The following STK32B variants were observed in gnomAD, a reference collection of about 807,000 sequenced individuals.
STK32B encodes the protein serine/threonine-protein kinase 32B.
In STK32B, 43 loss-of-function variants were observed where a neutral mutation model predicts 52.6. That is an observed-to-expected ratio of 0.82 (90% CI 0.64 to 1.05). The LOEUF (loss-of-function observed/expected upper bound fraction) is 1.05, where lower values mean the gene tolerates loss of function less well. STK32B is among the 50% of genes least tolerant of loss of function. STK32B has a pLI of 0.00. For synonymous variants in STK32B, 238 were observed against 204.3 expected (o/e 1.17, Z -1.41); for missense variants, 621 against 534.6 (o/e 1.16, Z -1.59).
the STK32B span, among the ~76,000 whole-genome samples, chr4:5,044,603 A>C: frequency 2.0e-5 from 3 of 152,168 alleles, no homozygotes; most frequent in Admixed American, 6.5e-5. Flanking sequence ...GTTTTCCTCT[A>C]TTCAAAATAT....
intron 11 of STK32B, among the ~76,000 whole-genome samples, chr4:5,486,555 G>A (rs555461682): frequency 5.2e-4 from 79 of 152,370 alleles, no homozygotes; most frequent in Non-Finnish European, 8.7e-4. Flanking sequence ...GCCTCGCCCT[G>A]CTTTGGCTCA....
intron 4 of STK32B, among the ~76,000 whole-genome samples, chr4:5,341,110 G>C (rs1733046322): frequency 6.6e-6 from 1 of 152,166 alleles, no homozygotes; most frequent in Admixed American, 6.5e-5. Flanking sequence ...CTCATAGAGT[G>C]AGTGCCTGCA....
chr4:5,488,801 G>T (rs1719439244), intron 11 of STK32B, among the ~76,000 whole-genome samples: 1 of 151,810 alleles, frequency 6.6e-6, no homozygotes, highest in Admixed American at 6.6e-5. Flanking sequence ...CTACTTACCA[G>T]TTCTTTTATA....
In STK32B at chr4:5,135,001, A is replaced by G. The variant is rs1018927540; in HGVS notation, c.53-4904A>G. ...TAACTGGTCTAGTGGAAATGAGAAA[A>G]GAGCCCACTGGCATGTAAAGTAGGA... On this transcript the variant is annotated intron_variant, in intron 1 of 11. Transcript: ENST00000282908. Among the ~76,000 whole-genome samples the G allele has an allele frequency of 2.6e-5, 4 of 152,254 alleles. No individual in the cohort carries two copies. In the South Asian group the frequency reaches 8.3e-4, roughly 32 times the overall value.
At chr4:5,175,135 G>A (rs553672380) in intron 3 of STK32B, among the ~76,000 whole-genome samples, 50 of 152,198 alleles carry the variant, frequency 3.3e-4, no homozygotes, top group East Asian at 1.5e-3. Flanking sequence ...TTCTCGTGCC[G>A]TGGTTTTCAG....
At chr4:5,365,898 C>A (rs539227309) in intron 4 of STK32B, among the ~76,000 whole-genome samples, 3 of 152,094 alleles carry the variant, frequency 2.0e-5, no homozygotes, top group Non-Finnish European at 4.4e-5. Context: ...TAAAGGGCAG[C>A]GTGAGAAAGG....
At chr4:5,462,390 GTGTGTGTGTGCATC>G (rs1158532813) in intron 9 of STK32B, among the ~76,000 whole-genome samples, 1 of 148,820 alleles carries the variant, frequency 6.7e-6, no homozygotes, top group Non-Finnish European at 1.5e-5. Flanking sequence ...GTGCATCTGT[GTGTGTGTGTGCATC>G]TGTGTGTGTG....
intron 3 of STK32B, among the ~76,000 whole-genome samples, chr4:5,189,061 GA>G (rs903172398): frequency 4.6e-4 from 69 of 151,612 alleles, no homozygotes; most frequent in African/African-American, 1.6e-3. Context: ...GCAAAATTAA[GA>G]GGAGATTTCC....
chr4:5,280,053 T>C (rs1340765144), intron 3 of STK32B, among the ~76,000 whole-genome samples: 1 of 152,200 alleles, frequency 6.6e-6, no homozygotes, highest in Non-Finnish European at 1.5e-5. Flanking sequence ...AACATTTGGC[T>C]CTTCTTTACT....
At chr4:5,044,405 G>A in the STK32B span, among the ~76,000 whole-genome samples, 3 of 152,028 alleles carry the variant, frequency 2.0e-5, no homozygotes, top group East Asian at 5.8e-4. Flanking sequence ...AATTTAACAT[G>A]TCCCAGAGGG....
chr4:5,352,636 C>T (rs527537240), intron 4 of STK32B, among the ~76,000 whole-genome samples: 1 of 150,040 alleles, frequency 6.7e-6, no homozygotes, highest in African/African-American at 2.4e-5. Context: ...AAAAAACGTC[C>T]AAACTAAAAA....
At chr4:5,176,334 G>T (rs1719892507) in intron 3 of STK32B, among the ~76,000 whole-genome samples, 1 of 151,938 alleles carries the variant, frequency 6.6e-6, no homozygotes, top group Non-Finnish European at 1.5e-5. Flanking sequence ...GCACTCCCCA[G>T]TGAGATGAAC....
intron 3 of STK32B, among the ~76,000 whole-genome samples, chr4:5,199,758 C>A (rs887007700): frequency 1.3e-5 from 2 of 150,634 alleles, no homozygotes; most frequent in African/African-American, 4.9e-5. Flanking sequence ...TAAATGTTCT[C>A]CCACCCCCGC....
chr4:5,318,711 C>T (rs1310870101), intron 3 of STK32B, among the ~76,000 whole-genome samples: 2 of 152,150 alleles, frequency 1.3e-5, no homozygotes, highest in South Asian at 2.1e-4. Flanking sequence ...CTCCAAGTCC[C>T]TCAGGATGAC....
chr4:5,440,883 T>C (rs13103127), intron 6 of STK32B, among the ~76,000 whole-genome samples: 11,985 of 148,326 alleles, frequency 0.081, 796 homozygotes, highest in East Asian at 0.38. Flanking sequence ...TTGTCTTTAG[T>C]TCTGTTTATA....
rs1418197142 is a variant in STK32B at position 5,453,679 on chromosome 4, A to C, written c.667-3128A>C. On this transcript the variant is annotated intron_variant, in intron 7 of 11. Coordinates refer to ENST00000282908, the MANE Select transcript of STK32B (RefSeq NM_018401.3). The surrounding 1 kb of genome is among the most constrained non-coding windows in gnomAD (Gnocchi z 4.0). ...AGCACTCTGGGAGGCTGAGACGGGC[A>C]GATCACCTGAGGTGAGGAGTTCGAG... Among the ~76,000 whole-genome samples the C allele has an allele frequency of 6.6e-6, 1 of 152,078 alleles. No individual in the cohort carries two copies. Among genetic ancestry groups the C allele is most frequent in the Non-Finnish European group, 1.5e-5 (1 of 67,998 alleles).
intron 1 of STK32B, among the ~76,000 whole-genome samples, chr4:5,060,470 A>G (rs1464707798): frequency 6.6e-6 from 1 of 151,518 alleles, no homozygotes; most frequent in Non-Finnish European, 1.5e-5. Flanking sequence ...TTTTGCTTTA[A>G]TTTTTATTTG....
intron 7 of STK32B, among the ~76,000 whole-genome samples, chr4:5,455,547 G>A (rs768912897): frequency 1.1e-4 from 17 of 152,146 alleles, no homozygotes; most frequent in Non-Finnish European, 1.0e-4. Flanking sequence ...GAACTTTTCC[G>A]AAGCAAGAAC....
At chr4:5,316,152 A>AAT (rs1308914382) in intron 3 of STK32B, among the ~76,000 whole-genome samples, 1,777 of 89,660 alleles carry the variant, frequency 0.02, 139 homozygotes, top group African/African-American at 0.072. Context: ...TATATAACTA[A>AAT]ATATATATAA....
Sources: gnomAD v4.1 joint callset for allele counts (sites outside exome capture counted in the v4.1 genomes callset) on GRCh38, gnomAD v4.1.1 for gene constraint, Gnocchi (gnomAD v3.1) non-coding constraint, MANE v1.5 for transcripts, NCBI Gene and HGNC (gene_info 2026-07-23, HGNC 2026-07-21) for gene names.